The following MTMR3 variants were observed in gnomAD, a reference collection of about 807,000 sequenced individuals.
MTMR3 encodes myotubularin related protein 3, also known as phosphatidylinositol-3,5-bisphosphate 3-phosphatase MTMR3.
A neutral mutation model predicts 132.4 loss-of-function variants in MTMR3; 32 were observed. The observed-to-expected ratio is 0.24, with a 90% CI of 0.18 to 0.32. The LOEUF (loss-of-function observed/expected upper bound fraction) is 0.32, where lower values mean the gene tolerates loss of function less well. Among genes scored for constraint, MTMR3 ranks in the 10% least tolerant of loss-of-function variants. The pLI is 1.00. For missense variants in MTMR3, 1,216 were observed against 1,489.6 expected, an observed-to-expected ratio of 0.82 and a Z score of 3.02; for synonymous variants, 556 against 550.3, an observed-to-expected ratio of 1.01 and a Z score of -0.14.
intron 2 of MTMR3, among the ~76,000 whole-genome samples, chr22:29,963,181 G>A (rs2066347390): frequency 6.6e-6 from 1 of 151,946 alleles, no homozygotes; most frequent in African/African-American, 2.4e-5. Flanking sequence ...TCCTGGCCTT[G>A]AGTGATCCAC....
intron 1 of MTMR3, among the ~76,000 whole-genome samples, chr22:29,919,841 T>C (rs1015975073): frequency 3.9e-5 from 6 of 152,166 alleles, no homozygotes; most frequent in Non-Finnish European, 1.5e-5. Flanking sequence ...TTTTAATCTT[T>C]AGGAAATATT....
chr22:29,905,275 A>G lies in MTMR3; in HGVS notation c.-138+21916A>G, dbSNP rs1373227890. Among the ~76,000 whole-genome samples the G allele has an allele frequency of 2.0e-5, 3 of 152,306 alleles. No individual in the cohort carries two copies. In the East Asian group the frequency reaches 5.8e-4, roughly 29 times the overall value. On this transcript the variant is annotated intron_variant, in intron 1 of 19. Coordinates refer to ENST00000401950, the MANE Select transcript of MTMR3 (RefSeq NM_021090.4). ...AGCTAGCCCTTGGCCTGCTGTATAT[A>G]TAGGTTTCACATCCCGAGAATACTT...
rs527240564 is a variant in MTMR3, at chr22:29,956,022, G to C, written c.-137-1014G>C. ...CCACCTTGGCCTCCCAAAGTGCTGGGATTACAGGCATGAGCCACCGCGCCT... is the reference window on the plus strand; with the variant it reads ...CCACCTTGGCCTCCCAAAGTGCTGGCATTACAGGCATGAGCCACCGCGCCT... On this transcript the variant is annotated intron_variant, in intron 1 of 19. Coordinates refer to ENST00000401950, the MANE Select transcript of MTMR3 (RefSeq NM_021090.4). Among the ~76,000 whole-genome samples the C allele has an allele frequency of 4.5e-3, 681 of 152,244 alleles. 6 individuals carry two copies. The highest frequency in any genetic ancestry group is 0.015 in the African/African-American group (643 of 41,554).
At chr22:29,907,701 T>A (rs2065130194) in intron 1 of MTMR3, among the ~76,000 whole-genome samples, 1 of 152,238 alleles carries the variant, frequency 6.6e-6, no homozygotes, top group African/African-American at 2.4e-5. Flanking sequence ...AGAGAATCTT[T>A]TAACAAAACT....
At chr22:29,950,560 C>T (rs959048606) in intron 1 of MTMR3, among the ~76,000 whole-genome samples, 2 of 152,014 alleles carry the variant, frequency 1.3e-5, no homozygotes, top group African/African-American at 2.4e-5. Context: ...GACGGGGTTT[C>T]ACCATGTTAG....
At chr22:30,003,230 T>G in intron 9 of MTMR3, 1 of 385,706 alleles carries the variant, frequency 2.6e-6, no homozygotes, top group Non-Finnish European at 4.7e-6. Context: ...AGTTGTAAAG[T>G]GGCTGGACTT....
At chr22:29,899,430 T>A (rs776659485) in intron 1 of MTMR3, among the ~76,000 whole-genome samples, 4 of 152,238 alleles carry the variant, frequency 2.6e-5, no homozygotes, top group Non-Finnish European at 2.9e-5. Context: ...AGTAGCAAAT[T>A]GACTCCTTCA....
Position 30,020,553 on chromosome 22 carries a change from G to A in MTMR3, c.2894G>A (p.Arg965Lys). The A allele has an allele frequency of 1.9e-6, 3 of 1,614,192 alleles. No individual in the cohort carries two copies. Among genetic ancestry groups the A allele is most frequent in the Non-Finnish European group, 2.5e-6 (3 of 1,180,040 alleles). ...NGHCANGEAGRSKDSLSRQLS... is the reference protein window; with the variant it reads ...NGHCANGEAGKSKDSLSRQLS... Reference sequence around the variant, plus strand: ...CATTGCGCCAATGGGGAGGCTGGTAGGAGCAAGGACTCACTGAGCCGTCAG... The same window carrying A: ...CATTGCGCCAATGGGGAGGCTGGTAAGAGCAAGGACTCACTGAGCCGTCAG... Residue 965 changes from arginine to lysine, a missense_variant, in exon 17 of 20, where the codon AGG becomes AAG. Physicochemically the swap from Arg to Lys is conservative, Grantham distance 26 (BLOSUM62 2). This residue lies in a region of MTMR3 where 852 missense variants were observed against 852.0 expected (regional missense o/e 1.00). Coordinates refer to ENST00000401950, the MANE Select transcript of MTMR3 (RefSeq NM_021090.4).
At chr22:29,983,959 TTTA>T (rs923368822) in intron 5 of MTMR3, 4 of 151,230 alleles carry the variant, frequency 2.6e-5, no homozygotes, top group Admixed American at 6.6e-5. Context: ...TTATTTTTAT[TTTA>T]TTATATTTAT....
chr22:29,957,245 A>G (rs2145844185), intron 2 of MTMR3, among the ~76,000 whole-genome samples, 157 bp downstream of exon 2: 1 of 132,688 alleles, frequency 7.5e-6, no homozygotes, highest in Admixed American at 7.8e-5. Context: ...GTTCACTTTA[A>G]TGTCCTTACA....
At chr22:29,963,877 G>A (rs190676950) in intron 2 of MTMR3, among the ~76,000 whole-genome samples, 55 of 151,206 alleles carry the variant, frequency 3.6e-4, no homozygotes, top group Non-Finnish European at 5.2e-4. Flanking sequence ...GTACTAATAC[G>A]TGCTTCAAAA....
chr22:30,021,979 T>C (rs2067769159), intron 17 of MTMR3, 50 bp from the exon 18 acceptor site: 2 of 1,466,150 alleles, frequency 1.4e-6, no homozygotes, highest in African/African-American at 1.4e-5. Flanking sequence ...TTTTCTTCTT[T>C]TGGGAGGAGA....
At position 30,003,011 on chromosome 22, in the gene MTMR3, A is replaced by G. The variant is rs12165769; in HGVS notation, c.671+18A>G. ...ATCTACAGGTAAGTTAAACTGGACC[A>G]GTCCCAGCTTGGGCTGGTGCTGCTG... On this transcript the variant is annotated intron_variant, in intron 9 of 19. Coordinates refer to ENST00000401950, the MANE Select transcript of MTMR3 (RefSeq NM_021090.4). 152,848 of 1,596,958 alleles carry G rather than the reference A, an allele frequency of 0.096. 7,897 individuals carry two copies. Among genetic ancestry groups the G allele is most frequent in the Admixed American group, 0.13 (7,716 of 59,960 alleles).
chr22:29,967,087 T>C (rs1036608527), intron 2 of MTMR3, among the ~76,000 whole-genome samples: 1 of 152,082 alleles, frequency 6.6e-6, no homozygotes, highest in African/African-American at 2.4e-5. Context: ...GACCACAGTC[T>C]AGGGGCTTAG....
rs918641166 is a variant in MTMR3 at position 30,006,707 on chromosome 22, G to C, written c.672-407G>C. The C allele has an allele frequency of 4.5e-5, 8 of 177,368 alleles. No individual in the cohort carries two copies. In the Admixed American group the frequency reaches 4.6e-4, roughly 10 times the overall value. The allele number at this position is 177,368 out of a possible 1,614,324, so 11.0% of individuals were successfully genotyped here. A position where few individuals can be genotyped will look rare whatever the true frequency, so the allele number is the denominator to read the frequency against. On this transcript the variant is annotated intron_variant, in intron 9 of 19. Coordinates refer to ENST00000401950, the MANE Select transcript of MTMR3 (RefSeq NM_021090.4). ...TGAGTAGCTGCGACTACAGGCATGT[G>C]CTACCATGCCTGGCTAATTTGTAAA...
Position 30,025,991 on chromosome 22 carries a change from C to A in MTMR3, c.*190C>A. 1.9e-6 allele frequency: 1 copy of A among 521,692 alleles called. No individual in the cohort carries two copies. Among genetic ancestry groups the A allele is most frequent in the Non-Finnish European group, 3.3e-6 (1 of 298,548 alleles). 32.3% of individuals were successfully genotyped at this position (521,692 alleles called of 1,614,324 possible). Reference sequence around the variant, plus strand: ...TTCCTGTCCCCCTACTCCCTCCCTACCTTTTCCATCCTCCTCCTCTGCCTT... The same window carrying A: ...TTCCTGTCCCCCTACTCCCTCCCTAACTTTTCCATCCTCCTCCTCTGCCTT... On this transcript the variant is annotated 3_prime_UTR_variant, in exon 20 of 20. Coordinates refer to ENST00000401950, the MANE Select transcript of MTMR3 (RefSeq NM_021090.4).
chr22:29,962,509 C>G (rs759841076), intron 2 of MTMR3, among the ~76,000 whole-genome samples: 1 of 151,852 alleles, frequency 6.6e-6, no homozygotes, highest in African/African-American at 2.4e-5. Context: ...CTTTTCCCCC[C>G]ACAAAAATAA....
intron 5 of MTMR3, 116 bp downstream of exon 5, chr22:29,979,168 T>A: frequency 2.8e-6 from 2 of 716,886 alleles, no homozygotes; most frequent in Non-Finnish European, 4.8e-6. Flanking sequence ...CATTATGTGC[T>A]CTGCTTTTCT....
At chr22:29,905,966 C>G (rs1426682028) in intron 1 of MTMR3, among the ~76,000 whole-genome samples, 3 of 152,112 alleles carry the variant, frequency 2.0e-5, no homozygotes, top group African/African-American at 7.2e-5. Context: ...AAATGTCAAA[C>G]AAGTTCTGAG....
Sources: allele counts gnomAD v4.1 joint callset (sites outside exome capture counted in the v4.1 genomes callset), GRCh38; gene constraint gnomAD v4.1.1; regional missense constraint gnomAD v4.1.1; transcripts MANE v1.5; gene names NCBI Gene and HGNC (gene_info 2026-07-23, HGNC 2026-07-21).